ERBB4: variants seen among roughly 807,000 people sequenced by gnomAD.
ERBB4 encodes erb-b2 receptor tyrosine kinase 4.
Under a neutral mutation model 158.0 loss-of-function variants are expected in ERBB4, and 42 were observed. That is an observed-to-expected ratio of 0.27 (90% CI 0.21 to 0.34). The LOEUF (loss-of-function observed/expected upper bound fraction) is 0.34, where lower values mean the gene tolerates loss of function less well. Ranked by LOEUF, ERBB4 falls within the 10% of genes least tolerant of loss-of-function variation. The probability of loss-of-function intolerance (pLI) is 1.00; values close to 1 mark genes in which losing one functional copy is unlikely to be tolerated. For missense variants in ERBB4, 1,333 were observed against 1,624.1 expected (o/e 0.82, Z 3.08); for synonymous variants, 583 against 558.7 (o/e 1.04, Z -0.61).
intron 1 of ERBB4, among the ~76,000 whole-genome samples, chr2:212,399,545 C>CATATATATATATATACATAT (rs2091132872): frequency 2.6e-5 from 1 of 38,098 alleles, no homozygotes; most frequent in African/African-American, 1.3e-4. Context: ...TTTATATATA[C>CATATATATATATATACATAT]ATATATATAT....
intron 3 of ERBB4, among the ~76,000 whole-genome samples, chr2:211,815,135 C>A (rs1392400057): frequency 6.6e-6 from 1 of 152,090 alleles, no homozygotes; most frequent in Admixed American, 6.6e-5. Context: ...AGGAAAAAAT[C>A]AAGGTTGAAG....
chr2:211,759,236 T>C (rs1158836329), intron 4 of ERBB4, among the ~76,000 whole-genome samples: 3 of 152,168 alleles, frequency 2.0e-5, no homozygotes, highest in African/African-American at 7.2e-5. Flanking sequence ...ACCTGCACCA[T>C]TATCATTGTA....
intron 2 of ERBB4, among the ~76,000 whole-genome samples, chr2:212,056,824 A>T (rs963376900): frequency 1.3e-5 from 2 of 152,216 alleles, no homozygotes; most frequent in African/African-American, 4.8e-5. Flanking sequence ...CTGCAAAAAC[A>T]TGCCAAACTG....
intron 1 of ERBB4, among the ~76,000 whole-genome samples, chr2:212,212,180 C>A (rs2082957875): frequency 6.6e-6 from 1 of 152,070 alleles, no homozygotes; most frequent in South Asian, 2.1e-4. Flanking sequence ...TTCCCACCAA[C>A]AGTGTAAAAG....
At chr2:211,648,744 C>G (rs2070872526) in intron 16 of ERBB4, among the ~76,000 whole-genome samples, 1 of 151,740 alleles carries the variant, frequency 6.6e-6, no homozygotes, top group South Asian at 2.1e-4. Context: ...ATCAATTTTT[C>G]CCAATCCCAT....
chr2:212,033,833 C>T (rs74807396), intron 2 of ERBB4, among the ~76,000 whole-genome samples: 12,125 of 151,784 alleles, frequency 0.08, 686 homozygotes, highest in Non-Finnish European at 0.12. Context: ...TTTGAGTTTA[C>T]TCATGTGTAA....
At chr2:211,609,807 T>C (rs1403757942) in intron 19 of ERBB4, among the ~76,000 whole-genome samples, 1 of 152,184 alleles carries the variant, frequency 6.6e-6, no homozygotes, top group East Asian at 1.9e-4. Context: ...GCCCCTACAC[T>C]GACAAAGTTC....
intron 12 of ERBB4, among the ~76,000 whole-genome samples, chr2:211,683,528 T>C (rs1214550744): frequency 6.6e-6 from 1 of 152,208 alleles, no homozygotes; most frequent in Non-Finnish European, 1.5e-5. Flanking sequence ...TTTCTTTTTA[T>C]TGACCATAGT....
chr2:211,660,295 A>G (rs2071373406), intron 15 of ERBB4, among the ~76,000 whole-genome samples: 1 of 152,248 alleles, frequency 6.6e-6, no homozygotes, highest in Admixed American at 6.5e-5. Flanking sequence ...ATTTGGCACA[A>G]AGACTATTTT....
chr2:212,499,681 T>C (rs910501610), intron 1 of ERBB4, among the ~76,000 whole-genome samples: 2 of 152,028 alleles, frequency 1.3e-5, no homozygotes, highest in Non-Finnish European at 2.9e-5. Flanking sequence ...TAACCATCCA[T>C]GTTTGAAGGA....
At chr2:212,180,532 A>T (rs1448069296) in intron 1 of ERBB4, among the ~76,000 whole-genome samples, 2 of 151,652 alleles carry the variant, frequency 1.3e-5, no homozygotes, top group East Asian at 1.9e-4. Context: ...GTTTATATTT[A>T]TAGGTCACCC....
chr2:211,832,017 G>A (rs146700848), intron 3 of ERBB4, among the ~76,000 whole-genome samples: 7 of 152,244 alleles, frequency 4.6e-5, no homozygotes, highest in East Asian at 1.9e-4. Context: ...CAAATGTGGC[G>A]TCAAGCCAAG....
chr2:212,075,455 T>A (rs1016256132), intron 2 of ERBB4, among the ~76,000 whole-genome samples: 2 of 151,948 alleles, frequency 1.3e-5, no homozygotes, highest in Non-Finnish European at 2.9e-5. Context: ...TCTTCAGCAT[T>A]TCTCGGAATG....
In ERBB4 at chr2:211,383,664, C is replaced by T. The variant is rs545302445; in HGVS notation, c.3878G>A (p.Gly1293Asp). 2 of 1,613,886 alleles carry T rather than the reference C, an allele frequency of 1.2e-6. No homozygotes were observed. The highest frequency in any genetic ancestry group is 1.7e-6 in the Non-Finnish European group (2 of 1,179,978). The stretch of plus-strand genomic sequence containing the variant: ...GTAAGGTGGAGGCGGCAGCACAGTG[C>T]CTGGCTTCAGGGAGAACTCAGAGAG... ...EYLSEFSLKP[G>D]TVLPPPPYRH... The change falls in exon 28 of 28, where the codon GGC becomes GAC. Residue 1293 changes from glycine (G) to aspartate (D), a missense_variant. By Grantham distance (94) the Gly-to-Asp change is moderately conservative (BLOSUM62 -1). This residue lies in a region of ERBB4 where 84 missense variants were observed against 110.8 expected (regional missense o/e 0.76). Transcript: ENST00000342788.
At chr2:211,499,817 T>C (rs2065571830) in intron 20 of ERBB4, among the ~76,000 whole-genome samples, 1 of 151,948 alleles carries the variant, frequency 6.6e-6, no homozygotes, top group Non-Finnish European at 1.5e-5. Context: ...CAAACCAAGG[T>C]GGTGCAGTTA....
intron 16 of ERBB4, among the ~76,000 whole-genome samples, chr2:211,638,983 T>G (rs747946838): frequency 3.3e-5 from 5 of 152,126 alleles, no homozygotes; most frequent in Non-Finnish European, 7.4e-5. Context: ...ATATATAATC[T>G]ATCTAGGAAT....
chr2:211,902,615 A>G (rs1473979234), intron 3 of ERBB4, among the ~76,000 whole-genome samples: 2 of 151,912 alleles, frequency 1.3e-5, no homozygotes, highest in East Asian at 3.9e-4. Context: ...TTTCCTTCTG[A>G]ATTCTTTAAA....
chr2:211,978,133 C>A (rs1349031651), intron 2 of ERBB4, among the ~76,000 whole-genome samples: 1 of 151,520 alleles, frequency 6.6e-6, no homozygotes, highest in Non-Finnish European at 1.5e-5. Context: ...TCCCTGGGCA[C>A]CAGAATACAT....
At chr2:211,884,704 C>T (rs1161642752) in intron 3 of ERBB4, among the ~76,000 whole-genome samples, 1 of 152,174 alleles carries the variant, frequency 6.6e-6, no homozygotes, top group Non-Finnish European at 1.5e-5. Flanking sequence ...GAGGTAACAA[C>T]CCCCATCTGT....
Sources: gnomAD v4.1 joint callset for allele counts (sites outside exome capture counted in the v4.1 genomes callset) on GRCh38, gnomAD v4.1.1 for gene constraint, gnomAD v4.1.1 regional missense constraint, MANE v1.5 for transcripts, NCBI Gene and HGNC (gene_info 2026-07-23, HGNC 2026-07-21) for gene names.